The following LMNTD1 variants were observed in gnomAD, a reference collection of about 807,000 sequenced individuals.
The protein encoded by LMNTD1 is lamin tail domain-containing protein 1.
In LMNTD1, 35 loss-of-function variants were observed where a neutral mutation model predicts 50.9. The observed-to-expected ratio is 0.69, with a 90% confidence interval of 0.53 to 0.91. The LOEUF (loss-of-function observed/expected upper bound fraction) is 0.91, where lower values mean the gene tolerates loss of function less well. Ranked by LOEUF, LMNTD1 falls within the 40% of genes least tolerant of loss-of-function variation. The probability of loss-of-function intolerance (pLI) is 0.00; values close to 1 mark genes in which losing one functional copy is unlikely to be tolerated. For missense variants in LMNTD1, 470 were observed against 475.5 expected, an observed-to-expected ratio of 0.99 and a Z score of 0.11; for synonymous variants, 153 against 161.9, an observed-to-expected ratio of 0.94 and a Z score of 0.42.
chr12:25,541,444 A>G (rs1943065707), intron 4 of LMNTD1, among the ~76,000 whole-genome samples: 1 of 139,670 alleles, frequency 7.2e-6, no homozygotes, highest in Admixed American at 7.6e-5. Context: ...GATCTTTGAC[A>G]AACCTGAGAA....
intron 9 of LMNTD1, among the ~76,000 whole-genome samples, chr12:25,479,929 G>C (rs1379509480): frequency 3.9e-5 from 6 of 152,214 alleles, no homozygotes; most frequent in Non-Finnish European, 5.9e-5. Flanking sequence ...GCCTTGGCGA[G>C]TGGAAGTCCA....
intron 1 of LMNTD1, among the ~76,000 whole-genome samples, chr12:25,637,292 T>C (rs1322138728): frequency 6.6e-6 from 1 of 152,074 alleles, no homozygotes; most frequent in Non-Finnish European, 1.5e-5. Context: ...GATGTCGGAA[T>C]TAGTAGGCAA....
chr12:25,625,886 T>C (rs1382200066), intron 1 of LMNTD1, among the ~76,000 whole-genome samples: 1 of 152,152 alleles, frequency 6.6e-6, no homozygotes, highest in African/African-American at 2.4e-5. Flanking sequence ...ACACAGCCCT[T>C]GTTCCTCAAG....
chr12:25,617,425 T>C (rs278995), intron 1 of LMNTD1, among the ~76,000 whole-genome samples: 25,819 of 152,042 alleles, frequency 0.17, 3,662 homozygotes, highest in African/African-American at 0.39. Context: ...AAGAGGGGGA[T>C]GTGATCTCTT....
upstream of LMNTD1, among the ~76,000 whole-genome samples, chr12:25,553,633 G>A (rs1169190303): frequency 6.6e-6 from 1 of 151,938 alleles, no homozygotes; most frequent in Admixed American, 6.6e-5. Flanking sequence ...AAACTTCAAT[G>A]CAAAAAGAAG....
chr12:25,533,129 T>C (rs545305926), intron 4 of LMNTD1, among the ~76,000 whole-genome samples: 2 of 152,320 alleles, frequency 1.3e-5, no homozygotes, highest in East Asian at 3.9e-4. Flanking sequence ...AACAACATTG[T>C]CCATATCAGA....
intron 4 of LMNTD1, among the ~76,000 whole-genome samples, chr12:25,528,107 G>C (rs760289896): frequency 2.0e-5 from 3 of 152,076 alleles, no homozygotes; most frequent in Non-Finnish European, 2.9e-5. Flanking sequence ...TGAAGGCATT[G>C]TGGACTAATA....
intron 1 of LMNTD1, among the ~76,000 whole-genome samples, chr12:25,619,252 C>CTCTCTCTCTATATATATATATATATATA (rs1374134268): frequency 5.9e-5 from 5 of 84,444 alleles, no homozygotes; most frequent in Non-Finnish European, 6.9e-5. Flanking sequence ...CTCTCTCTCT[C>CTCTCTCTCTATATATATATATATATATA]TATATATATA....
intron 4 of LMNTD1, 71 bp from the exon 5 acceptor site, chr12:25,527,026 A>G: frequency 9.7e-7 from 1 of 1,033,294 alleles, no homozygotes; most frequent in South Asian, 1.7e-5. Flanking sequence ...TTAAGAAGTG[A>G]TTAATAAACT....
intron 8 of LMNTD1, among the ~76,000 whole-genome samples, chr12:25,514,754 A>G (rs1175834406): frequency 6.6e-6 from 1 of 152,158 alleles, no homozygotes; most frequent in Non-Finnish European, 1.5e-5. Context: ...TAACTTTATT[A>G]TTATGAGAAT....
chr12:25,636,995 T>C (rs776646915), intron 1 of LMNTD1, among the ~76,000 whole-genome samples: 1 of 127,788 alleles, frequency 7.8e-6, no homozygotes, highest in Non-Finnish European at 1.7e-5. Context: ...GGGGGAAGAA[T>C]GGGAGGGGGG....
At chr12:25,559,861 TTCATA>T (rs1183822133) in intron 1 of LMNTD1, among the ~76,000 whole-genome samples, 30 of 152,364 alleles carry the variant, frequency 2.0e-4, no homozygotes, top group African/African-American at 7.2e-4. Flanking sequence ...GAAGTGTCTG[TTCATA>T]TCCTTTGCCC....
chr12:25,488,961 C>T (rs903755285), intron 9 of LMNTD1, among the ~76,000 whole-genome samples: 19 of 152,202 alleles, frequency 1.2e-4, no homozygotes, highest in Non-Finnish European at 2.1e-4. Context: ...GTCAGGGACC[C>T]ACTTGAGGAG....
At chr12:25,575,159 A>C (rs554246217) in intron 1 of LMNTD1, among the ~76,000 whole-genome samples, 1 of 152,272 alleles carries the variant, frequency 6.6e-6, no homozygotes, top group South Asian at 2.1e-4. Context: ...AAAAAGCCCC[A>C]AAATAGGGAG....
intron 3 of LMNTD1, chr12:25,547,283 C>T (rs972344174): frequency 8.0e-6 from 4 of 502,792 alleles, no homozygotes; most frequent in East Asian, 1.5e-4. Flanking sequence ...TTTAGACAGA[C>T]TTGTAATTAT....
intron 4 of LMNTD1, among the ~76,000 whole-genome samples, chr12:25,533,039 C>T (rs1942330237): frequency 6.6e-6 from 1 of 152,138 alleles, no homozygotes; most frequent in Non-Finnish European, 1.5e-5. Context: ...CTTCATTATA[C>T]AAGCAAAGTG....
intron 8 of LMNTD1, among the ~76,000 whole-genome samples, chr12:25,506,280 G>A (rs965084661): frequency 2.0e-5 from 3 of 152,172 alleles, no homozygotes; most frequent in African/African-American, 7.2e-5. Flanking sequence ...CAGAAACAAA[G>A]GAGCATCATC....
chr12:25,535,102 T>A (rs1942492546), intron 4 of LMNTD1, among the ~76,000 whole-genome samples: 1 of 152,094 alleles, frequency 6.6e-6, no homozygotes, highest in East Asian at 1.9e-4. Flanking sequence ...TTAGAAACAG[T>A]AGAAAAGGAA....
chr12:25,580,774 C>T (rs1268460308), intron 1 of LMNTD1, among the ~76,000 whole-genome samples: 1 of 152,050 alleles, frequency 6.6e-6, no homozygotes. Flanking sequence ...CTTCTTTGAA[C>T]CTGGGTGGGA....
Sources: gnomAD v4.1 joint callset for allele counts (sites outside exome capture counted in the v4.1 genomes callset) on GRCh38, gnomAD v4.1.1 for gene constraint, MANE v1.5 for transcripts, NCBI Gene and HGNC (gene_info 2026-07-23, HGNC 2026-07-21) for gene names.